C6orf132: variants seen among roughly 807,000 people sequenced by gnomAD.
C6orf132 encodes the protein chromosome 6 open reading frame 132.
Under a neutral mutation model 65.3 loss-of-function variants are expected in C6orf132, and 43 were observed. The observed-to-expected ratio is 0.66, with a 90% confidence interval of 0.52 to 0.85. The LOEUF (loss-of-function observed/expected upper bound fraction) is 0.85. Ranked by LOEUF, C6orf132 falls within the 40% of genes least tolerant of loss-of-function variation. C6orf132 has a pLI of 0.00. For synonymous variants in C6orf132, 631 were observed against 654.1 expected, an observed-to-expected ratio of 0.96 and a Z score of 0.54; for missense variants, 1,488 against 1,548.8, an observed-to-expected ratio of 0.96 and a Z score of 0.66.
intron 3 of C6orf132, among the ~76,000 whole-genome samples, chr6:42,109,180 A>C (rs1326956516): frequency 6.6e-6 from 1 of 152,298 alleles, no homozygotes; most frequent in African/African-American, 2.4e-5. Context: ...CACACCTGTA[A>C]TCCGAGCACT....
chr6:42,114,743 G>A (rs1031955116), intron 2 of C6orf132, among the ~76,000 whole-genome samples: 7 of 152,142 alleles, frequency 4.6e-5, no homozygotes, highest in Admixed American at 2.6e-4. Flanking sequence ...AGTGGCTCAC[G>A]CTTGTAATCC....
intron 1 of C6orf132, 71 bp downstream of exon 1, chr6:42,142,229 G>A: frequency 1.3e-6 from 2 of 1,490,378 alleles, no homozygotes; most frequent in Non-Finnish European, 9.0e-7. Context: ...GCCTCCAGGA[G>A]ACAGCACCGC....
At chr6:42,108,133 C>T (rs190854834) in intron 3 of C6orf132, among the ~76,000 whole-genome samples, 109 of 152,262 alleles carry the variant, frequency 7.2e-4, no homozygotes, top group African/African-American at 2.1e-3. Context: ...CCTTTGAGTG[C>T]GCCATCTGTT....
intron 2 of C6orf132, among the ~76,000 whole-genome samples, chr6:42,115,961 G>T (rs150223812): frequency 1.7e-5 from 2 of 120,032 alleles, no homozygotes; most frequent in Non-Finnish European, 1.6e-5. Context: ...AGATGGTCTC[G>T]CTGTGTCGCC....
intron 2 of C6orf132, among the ~76,000 whole-genome samples, chr6:42,118,380 C>T (rs1766617157): frequency 6.6e-6 from 1 of 152,200 alleles, no homozygotes; most frequent in South Asian, 2.1e-4. Flanking sequence ...CTGACTGCTG[C>T]AGTCAGCTGG....
At chr6:42,114,322 C>A (rs1365429852) in intron 2 of C6orf132, among the ~76,000 whole-genome samples, 1 of 152,190 alleles carries the variant, frequency 6.6e-6, no homozygotes, top group Non-Finnish European at 1.5e-5. Flanking sequence ...TGGAGCAAGT[C>A]CCAAAGGCCA....
At chr6:42,122,292 G>A (rs1766701056) in intron 2 of C6orf132, among the ~76,000 whole-genome samples, 1 of 152,312 alleles carries the variant, frequency 6.6e-6, no homozygotes, top group South Asian at 2.1e-4. Flanking sequence ...GTAGGATCAA[G>A]GGGACATGCC....
In C6orf132 at chr6:42,107,359, T is replaced by G. The variant is rs866234281; in HGVS notation, c.553A>C (p.Ser185Arg). The G allele has an allele frequency of 4.3e-5, 12 of 276,692 alleles. No homozygotes were observed. Among genetic ancestry groups the G allele is most frequent in the Middle Eastern group, 9.9e-4 (1 of 1,008 alleles). 17.1% of individuals were successfully genotyped at this position (276,692 alleles called of 1,614,324 possible). A position where few individuals can be genotyped will look rare whatever the true frequency, so the allele number is the denominator to read the frequency against. Residue 185 changes from serine (S) to arginine (R), a missense_variant, in exon 4 of 5, where the codon AGC (serine) becomes CGC (arginine). Physicochemically the swap from Ser to Arg is moderately radical, Grantham distance 110. Coordinates refer to ENST00000341865, the MANE Select transcript of C6orf132 (RefSeq NM_001164446.3). ...ACTGGGGGTGGAGGTGGGGCCATGCTGGGCGGGGGTGGGGGTTCCAGCAGC... is the reference window on the plus strand; with the variant it reads ...ACTGGGGGTGGAGGTGGGGCCATGCGGGGCGGGGGTGGGGGTTCCAGCAGC... ...PLLLEPPPPPSMAPPPPPVLE... is the reference protein window; with the variant it reads ...PLLLEPPPPPRMAPPPPPVLE...
chr6:42,106,559 C>T lies in C6orf132; in HGVS notation c.1353G>A (p.Glu451=). 9 of 1,535,804 alleles carry T rather than the reference C, an allele frequency of 5.9e-6. No homozygotes were observed. The highest frequency in any genetic ancestry group is 7.8e-6 in the Non-Finnish European group (9 of 1,146,578). ...LKPKPNPPSP[E]NTASSAPVDW... ...CCACAGGTGCTGAAGACGCTGTGTT[C>T]TCTGGGCTGGGGGGGTTGGGTTTGG... The change falls in exon 4 of 5, where the codon GAG becomes GAA. Residue 451 remains glutamate, a synonymous_variant. Transcript: ENST00000341865.
chr6:42,141,825 G>A (rs996489686), intron 1 of C6orf132, among the ~76,000 whole-genome samples: 3 of 152,134 alleles, frequency 2.0e-5, no homozygotes, highest in Admixed American at 2.0e-4. Flanking sequence ...TCTGCCACGT[G>A]GGCTTGGGAA....
At chr6:42,119,293 C>T (rs1171468855) in intron 2 of C6orf132, among the ~76,000 whole-genome samples, 2 of 145,870 alleles carry the variant, frequency 1.4e-5, no homozygotes, top group Non-Finnish European at 3.0e-5. Context: ...TTCCTGGCCT[C>T]CCAAAGTTTG....
intron 1 of C6orf132, among the ~76,000 whole-genome samples, chr6:42,133,340 C>T (rs1337146029): frequency 6.6e-6 from 1 of 152,270 alleles, no homozygotes; most frequent in Non-Finnish European, 1.5e-5. Flanking sequence ...GTCTCATCCA[C>T]TCTGAAACTT....
At chr6:42,115,109 G>A (rs577042255) in intron 2 of C6orf132, among the ~76,000 whole-genome samples, 2 of 151,338 alleles carry the variant, frequency 1.3e-5, no homozygotes, top group South Asian at 2.1e-4. Flanking sequence ...GACCAACATG[G>A]TGAAATCCCA....
intron 2 of C6orf132, among the ~76,000 whole-genome samples, chr6:42,122,077 G>A (rs534104981): frequency 3.9e-4 from 59 of 152,148 alleles, no homozygotes; most frequent in Non-Finnish European, 2.6e-4. Flanking sequence ...AAAGGAGAAG[G>A]ATGGTTTCCC....
chr6:42,126,113 G>A (rs748810056), intron 2 of C6orf132, among the ~76,000 whole-genome samples: 5 of 151,982 alleles, frequency 3.3e-5, no homozygotes, highest in East Asian at 1.9e-4. Context: ...ATGGAGTCTC[G>A]CTCTGTCGTC....
chr6:42,105,494 G>A lies in C6orf132; in HGVS notation c.2418C>T (p.Pro806=). ...CAGGAGGCTTGGCTGGCAGCCCTGG[G>A]GGCTCCTTCACCTCCACGGGCTCCC... ...GPGEPVEVKE[P]PGLPAKPPAS... is the part of the protein sequence containing the mutation. The change falls in exon 4 of 5, where the codon CCC becomes CCT. Residue 806 remains proline, a synonymous_variant. Coordinates refer to ENST00000341865, the MANE Select transcript of C6orf132 (RefSeq NM_001164446.3). The A allele has an allele frequency of 6.5e-7, 1 of 1,533,436 alleles. No homozygotes were observed. Among genetic ancestry groups the A allele is most frequent in the Non-Finnish European group, 8.7e-7 (1 of 1,144,948 alleles). 95.0% of individuals were successfully genotyped at this position (1,533,436 alleles called of 1,614,324 possible).
At position 42,142,411 on chromosome 6, in the gene C6orf132, T is replaced by C; in HGVS notation, c.34A>G (p.Ser12Gly). ...KKKQTVQGTF[S>G]KLFGKKHTTT... Reference sequence around the variant, plus strand: ...GTGTGCTTCTTCCCGAAGAGTTTGCTGAAGGTGCCCTGCACCGTCTGCTTC... The same window carrying C: ...GTGTGCTTCTTCCCGAAGAGTTTGCCGAAGGTGCCCTGCACCGTCTGCTTC... Residue 12 changes from serine (S) to glycine (G), a missense_variant, in exon 1 of 5, where the codon AGC becomes GGC. Transcript: ENST00000341865. 6.4e-7 allele frequency: 1 copy of C among 1,551,446 alleles called. No individual in the cohort carries two copies. Among genetic ancestry groups the C allele is most frequent in the Non-Finnish European group, 8.7e-7 (1 of 1,146,856 alleles).
At chr6:42,121,219 G>T (rs1275170113) in intron 2 of C6orf132, among the ~76,000 whole-genome samples, 4 of 152,180 alleles carry the variant, frequency 2.6e-5, no homozygotes, top group Non-Finnish European at 5.9e-5. Context: ...TTCTAATCAA[G>T]GACTTGGGCC....
intron 2 of C6orf132, among the ~76,000 whole-genome samples, chr6:42,123,772 G>C (rs1261853931): frequency 1.3e-5 from 2 of 152,154 alleles, no homozygotes; most frequent in African/African-American, 2.4e-5. Flanking sequence ...ATCGAGCCCA[G>C]TGGCCTGGAC....
Sources: allele counts gnomAD v4.1 joint callset (sites outside exome capture counted in the v4.1 genomes callset), GRCh38; gene constraint gnomAD v4.1.1; transcripts MANE v1.5; gene names NCBI Gene and HGNC (gene_info 2026-07-23, HGNC 2026-07-21).